CDH11: variants seen among roughly 807,000 people sequenced by gnomAD.
The protein encoded by CDH11 is cadherin-11.
A neutral mutation model predicts 67.8 loss-of-function variants in CDH11; 11 were observed. The observed-to-expected ratio is 0.16, with a 90% confidence interval of 0.10 to 0.27. CDH11 has a LOEUF of 0.27. CDH11 is among the 10% of genes least tolerant of loss of function. CDH11 has a pLI of 1.00. For missense variants in CDH11, 847 were observed against 1,031.2 expected (o/e 0.82, Z 2.45); for synonymous variants, 419 against 400.0 (o/e 1.05, Z -0.57).
chr16:64,999,909 T>A (rs1458468419), intron 3 of CDH11, among the ~76,000 whole-genome samples: 3 of 152,144 alleles, frequency 2.0e-5, no homozygotes, highest in Non-Finnish European at 4.4e-5. Context: ...TGGCTTTTGT[T>A]ACTACAAACA....
intron 11 of CDH11, among the ~76,000 whole-genome samples, chr16:64,964,132 G>C (rs1460835903): frequency 1.3e-5 from 2 of 152,180 alleles, no homozygotes; most frequent in African/African-American, 4.8e-5. Flanking sequence ...ATTTGATTAG[G>C]TATGGTTATT....
At chr16:65,005,911 G>A (rs1277596768) in intron 2 of CDH11, among the ~76,000 whole-genome samples, 1 of 152,176 alleles carries the variant, frequency 6.6e-6, no homozygotes, top group Non-Finnish European at 1.5e-5. Flanking sequence ...CTCAACACCA[G>A]TGAGGATAAG....
chr16:65,114,601 T>C (rs1207867893), intron 1 of CDH11, among the ~76,000 whole-genome samples: 2 of 152,074 alleles, frequency 1.3e-5, no homozygotes, highest in African/African-American at 4.8e-5. Flanking sequence ...TCTCTCTCCT[T>C]CCTTTTCCCC....
chr16:65,021,427 T>G (rs1335238714), intron 2 of CDH11, among the ~76,000 whole-genome samples: 1 of 152,110 alleles, frequency 6.6e-6, no homozygotes, highest in Non-Finnish European at 1.5e-5. Flanking sequence ...TCCTCTCATA[T>G]GAGTCTCAAG....
At chr16:65,005,521 A>C (rs1287385068) in intron 2 of CDH11, among the ~76,000 whole-genome samples, 1 of 152,188 alleles carries the variant, frequency 6.6e-6, no homozygotes, top group Non-Finnish European at 1.5e-5. Context: ...CCAAAAGCAC[A>C]GTGTGCTCCA....
chr16:64,965,463 C>T (rs1459902283), intron 11 of CDH11, among the ~76,000 whole-genome samples: 1 of 152,062 alleles, frequency 6.6e-6, no homozygotes, highest in Non-Finnish European at 1.5e-5. Flanking sequence ...TTATCAGTAT[C>T]ACAGTCTTCC....
intron 2 of CDH11, among the ~76,000 whole-genome samples, chr16:65,009,141 A>G (rs9935608): frequency 0.51 from 76,841 of 151,994 alleles, 19,836 homozygotes; most frequent in East Asian, 0.78. Flanking sequence ...AGAAGGCTGC[A>G]GGTCAAATTT....
intron 2 of CDH11, among the ~76,000 whole-genome samples, chr16:65,053,093 C>T (rs547150757): frequency 3.3e-5 from 5 of 152,178 alleles, no homozygotes; most frequent in African/African-American, 1.2e-4. Context: ...GTCTAGATTC[C>T]CCAAGAGTGG....
At chr16:65,063,189 G>A (rs766256103) in intron 1 of CDH11, among the ~76,000 whole-genome samples, 4 of 152,134 alleles carry the variant, frequency 2.6e-5, no homozygotes, top group Non-Finnish European at 5.9e-5. Context: ...TGAGTCACAT[G>A]TGTGTGTGCT....
chr16:65,046,983 C>T (rs2073972168), intron 2 of CDH11, among the ~76,000 whole-genome samples: 1 of 152,082 alleles, frequency 6.6e-6, no homozygotes, highest in Non-Finnish European at 1.5e-5. Context: ...GTGGCATATG[C>T]CTGTAGTCCC....
At chr16:65,048,849 C>T (rs1201829060) in intron 2 of CDH11, among the ~76,000 whole-genome samples, 1 of 151,620 alleles carries the variant, frequency 6.6e-6, no homozygotes, top group Non-Finnish European at 1.5e-5. Context: ...TACTACACAG[C>T]CACAGAGAAT....
At chr16:64,949,897 G>A (rs138295704) in intron 12 of CDH11, among the ~76,000 whole-genome samples, 1 of 152,190 alleles carries the variant, frequency 6.6e-6, no homozygotes, top group Non-Finnish European at 1.5e-5. Flanking sequence ...CATAGGGCCC[G>A]TTGCCCAGAG....
intron 2 of CDH11, among the ~76,000 whole-genome samples, chr16:65,041,352 C>G (rs977495487): frequency 4.0e-5 from 6 of 151,748 alleles, no homozygotes; most frequent in Admixed American, 6.6e-5. Context: ...ACTCTGAATT[C>G]TGGTGCTTCC....
At chr16:65,069,784 A>C (rs2142763776) in intron 1 of CDH11, among the ~76,000 whole-genome samples, 1 of 152,166 alleles carries the variant, frequency 6.6e-6, no homozygotes. Context: ...CATAGCACAA[A>C]CCTTAGAAGG....
chr16:65,077,389 G>A (rs561535309), intron 1 of CDH11, among the ~76,000 whole-genome samples: 12 of 152,156 alleles, frequency 7.9e-5, no homozygotes, highest in Non-Finnish European at 1.0e-4. Flanking sequence ...TCACAGCTGC[G>A]TAAAAACAAA....
chr16:65,115,995 T>C (rs911596060), intron 1 of CDH11, among the ~76,000 whole-genome samples: 10 of 152,102 alleles, frequency 6.6e-5, no homozygotes, highest in Admixed American at 6.6e-4. Context: ...GACAAAATTT[T>C]CAATCAAGAC....
intron 2 of CDH11, among the ~76,000 whole-genome samples, chr16:65,009,240 A>G (rs1489614853): frequency 6.6e-6 from 1 of 152,204 alleles, no homozygotes; most frequent in Non-Finnish European, 1.5e-5. Flanking sequence ...TAATAAAAAA[A>G]AATTATCCAA....
intron 6 of CDH11, among the ~76,000 whole-genome samples, chr16:64,990,654 T>G (rs2072606424): frequency 6.6e-6 from 1 of 152,060 alleles, no homozygotes; most frequent in South Asian, 2.1e-4. Context: ...AAATGTAGGC[T>G]CCTGCAGAGA....
At chr16:65,029,988 G>T (rs1477463009) in intron 2 of CDH11, among the ~76,000 whole-genome samples, 1 of 152,156 alleles carries the variant, frequency 6.6e-6, no homozygotes, top group East Asian at 1.9e-4. Flanking sequence ...GCTAAGATGG[G>T]ACAGATTTCC....
Sources: gnomAD v4.1 joint callset for allele counts (sites outside exome capture counted in the v4.1 genomes callset) on GRCh38, gnomAD v4.1.1 for gene constraint, MANE v1.5 for transcripts, NCBI Gene and HGNC (gene_info 2026-07-23, HGNC 2026-07-21) for gene names.